The following CLIC5 variants were observed in gnomAD, a reference collection of about 807,000 sequenced individuals.
CLIC5 encodes chloride intracellular channel protein 5.
In CLIC5, 20 loss-of-function variants were observed where a neutral mutation model predicts 24.7. The ratio of observed to expected loss-of-function variants is 0.81; its 90% CI spans 0.57 to 1.18. CLIC5 has a LOEUF of 1.18. Among genes scored for constraint, CLIC5 ranks in the 50% most tolerant of loss-of-function variants. The pLI is 0.00. For missense variants in CLIC5, 341 were observed against 326.1 expected, an observed-to-expected ratio of 1.05 and a Z score of -0.35; for synonymous variants, 159 against 135.6, an observed-to-expected ratio of 1.17 and a Z score of -1.20.
intron 6 of CLIC5, among the ~76,000 whole-genome samples, chr6:45,886,369 A>G (rs1417956625): frequency 6.6e-6 from 1 of 152,184 alleles, no homozygotes; most frequent in Non-Finnish European, 1.5e-5. Flanking sequence ...GAGCAGCCCC[A>G]CCCTGCACAA....
intron 1 of CLIC5, among the ~76,000 whole-genome samples, chr6:46,033,242 C>T (rs1034523928): frequency 1.3e-5 from 2 of 151,816 alleles, no homozygotes; most frequent in Admixed American, 1.3e-4. Flanking sequence ...CCGCCTCGGC[C>T]TCCCAAAGTG....
chr6:46,107,661 C>T, the CLIC5 span, among the ~76,000 whole-genome samples: 2 of 151,994 alleles, frequency 1.3e-5, no homozygotes, highest in East Asian at 1.9e-4. Flanking sequence ...ATGTGGGTTT[C>T]GTTAAAGGAA....
At chr6:45,956,220 AG>A (rs1764636902) in intron 1 of CLIC5, among the ~76,000 whole-genome samples, 1 of 152,212 alleles carries the variant, frequency 6.6e-6, no homozygotes, top group Non-Finnish European at 1.5e-5. Flanking sequence ...CAAACAAAAA[AG>A]GTTGGGGAAT....
chr6:45,894,941 A>C (rs1262739260), downstream of CLIC5, among the ~76,000 whole-genome samples: 1 of 152,132 alleles, frequency 6.6e-6, no homozygotes, highest in Non-Finnish European at 1.5e-5. Flanking sequence ...TGGCATAGAA[A>C]CAGAAAAATA....
chr6:45,969,796 G>GTTTT (rs397779323), intron 1 of CLIC5, among the ~76,000 whole-genome samples: 7 of 105,288 alleles, frequency 6.6e-5, no homozygotes, highest in African/African-American at 1.6e-4. Flanking sequence ...TCACATCAAG[G>GTTTT]TTTTTTTTTT....
chr6:46,054,679 C>T (rs749789813), intron 1 of CLIC5, among the ~76,000 whole-genome samples: 2 of 152,144 alleles, frequency 1.3e-5, no homozygotes, highest in East Asian at 1.9e-4. Flanking sequence ...GGCCATAGGG[C>T]GGGGGCCTGA....
chr6:45,881,048 G>T (rs1762258930), exon 7 of CLIC5: 1 of 398,242 alleles, frequency 2.5e-6, no homozygotes, highest in Non-Finnish European at 4.4e-6. Flanking sequence ...CTGCCTCAAA[G>T]CCAGTACAGA....
intron 4 of CLIC5, chr6:45,934,328 C>G (rs951799007): frequency 6.6e-6 from 1 of 151,820 alleles, no homozygotes; most frequent in African/African-American, 2.4e-5. Context: ...GCTATAAAGC[C>G]TTTCTGGAAC....
intron 1 of CLIC5, among the ~76,000 whole-genome samples, chr6:46,073,209 T>C (rs546916053): frequency 6.6e-6 from 1 of 152,282 alleles, no homozygotes; most frequent in African/African-American, 2.4e-5. Flanking sequence ...GCACTCTAAT[T>C]AAGTGAGTCC....
At chr6:45,938,299 T>C (rs940256345) in intron 4 of CLIC5, among the ~76,000 whole-genome samples, 1 of 152,124 alleles carries the variant, frequency 6.6e-6, no homozygotes, top group Non-Finnish European at 1.5e-5. Context: ...GCCATGCTGC[T>C]CTCTACAGGA....
intron 4 of CLIC5, among the ~76,000 whole-genome samples, chr6:45,922,609 C>T (rs976754484): frequency 2.0e-5 from 3 of 152,030 alleles, no homozygotes; most frequent in Admixed American, 1.3e-4. Flanking sequence ...CTTTAGCATG[C>T]CTTTAGTATA....
chr6:45,884,441 A>G (rs1408633803), intron 6 of CLIC5, among the ~76,000 whole-genome samples: 1 of 152,224 alleles, frequency 6.6e-6, no homozygotes, highest in Non-Finnish European at 1.5e-5. Flanking sequence ...CCCTAGCAGG[A>G]CTTGGAAGAA....
intron 1 of CLIC5, among the ~76,000 whole-genome samples, chr6:46,003,132 A>G (rs1270778652): frequency 6.6e-6 from 1 of 152,072 alleles, no homozygotes; most frequent in Non-Finnish European, 1.5e-5. Flanking sequence ...ACCAAGACCT[A>G]CTCCATGGAA....
Position 46,032,054 on chromosome 6 carries a change from A to G in CLIC5, c.540+47649T>C, listed in dbSNP as rs540660988. Reference sequence around the variant, plus strand: ...TTAGTCCATTCTTGGACTGCTATCAAGAACTATATGAGACTGAGTAATTTA... The same window carrying G: ...TTAGTCCATTCTTGGACTGCTATCAGGAACTATATGAGACTGAGTAATTTA... On this transcript the variant is annotated intron_variant, in intron 1 of 5. Transcript: ENST00000185206. Among the ~76,000 whole-genome samples the G allele has an allele frequency of 1.3e-3, 200 of 152,164 alleles. 1 individual carries two copies. The highest frequency in any genetic ancestry group is 4.6e-3 in the African/African-American group (191 of 41,522).
At chr6:46,007,915 C>CTTTTTTTTTTTTTTTTCT (rs11411756) in intron 1 of CLIC5, among the ~76,000 whole-genome samples, 1 of 139,286 alleles carries the variant, frequency 7.2e-6, no homozygotes. Flanking sequence ...TTTTCTTTTT[C>CTTTTTTTTTTTTTTTTCT]TTTTTTTTTT....
intron 5 of CLIC5, among the ~76,000 whole-genome samples, chr6:45,910,994 A>G (rs1362616471): frequency 2.6e-5 from 4 of 152,206 alleles, no homozygotes; most frequent in Non-Finnish European, 4.4e-5. Context: ...AGGCCAGCAC[A>G]TAGCAGGAAC....
At chr6:46,070,200 A>G (rs1026915269) in intron 1 of CLIC5, among the ~76,000 whole-genome samples, 3 of 152,186 alleles carry the variant, frequency 2.0e-5, no homozygotes, top group African/African-American at 7.2e-5. Context: ...CCTATTCAAC[A>G]TAGTATTGGA....
chr6:45,893,232 T>A (rs1448264160), intron 6 of CLIC5, among the ~76,000 whole-genome samples: 1 of 148,416 alleles, frequency 6.7e-6, no homozygotes, highest in Admixed American at 6.7e-5. Flanking sequence ...CCACCCTGGT[T>A]TTTTTTTTTT....
In CLIC5 at chr6:45,922,490, T is replaced by A. The variant is rs1197599048; in HGVS notation, c.407-8081A>T. On this transcript the variant is annotated intron_variant, in intron 4 of 5. Coordinates refer to ENST00000339561, the MANE Select transcript of CLIC5 (RefSeq NM_016929.5). ...AAATCACCCTTATATTTGGCGTATG[T>A]TCAGAAGTATTAGTACAACAACAAA... Among the ~76,000 whole-genome samples the A allele has an allele frequency of 6.6e-5, 10 of 152,230 alleles. No individual in the cohort carries two copies. The East Asian group carries it at 1.9e-3, about 29-fold the overall frequency.
Sources: gnomAD v4.1 joint callset for allele counts (sites outside exome capture counted in the v4.1 genomes callset) on GRCh38, gnomAD v4.1.1 for gene constraint, MANE v1.5 for transcripts, NCBI Gene and HGNC (gene_info 2026-07-23, HGNC 2026-07-21) for gene names.